The following SPMIP11 variants were observed in gnomAD, a reference collection of about 807,000 sequenced individuals.
SPMIP11 encodes the protein sperm microtubule inner protein 11.
chr12:48,741,114 C>T, the SPMIP11 span, among the ~76,000 whole-genome samples: 1 of 139,722 alleles, frequency 7.2e-6, no homozygotes, highest in African/African-American at 2.7e-5. Flanking sequence ...GCTCTTGTTG[C>T]CCAGGCATAC....
At chr12:48,762,525 G>A in the SPMIP11 span, among the ~76,000 whole-genome samples, 1 of 151,456 alleles carries the variant, frequency 6.6e-6, no homozygotes, top group Non-Finnish European at 1.5e-5. Context: ...CCGCCACCAT[G>A]CCTGGCTAAT....
At chr12:48,747,163 AT>A in the SPMIP11 span, among the ~76,000 whole-genome samples, 3 of 150,644 alleles carry the variant, frequency 2.0e-5, no homozygotes, top group African/African-American at 7.3e-5. Context: ...TTTATTTTTT[AT>A]TTTTTTTTGG....
chr12:48,728,632 C>T, the SPMIP11 span, among the ~76,000 whole-genome samples: 7 of 147,958 alleles, frequency 4.7e-5, no homozygotes, highest in Admixed American at 2.8e-4. Context: ...GGTGTGAACC[C>T]GGGAGGCGGA....
At chr12:48,758,692 C>T in the SPMIP11 span, among the ~76,000 whole-genome samples, 4 of 152,202 alleles carry the variant, frequency 2.6e-5, no homozygotes, top group Non-Finnish European at 4.4e-5. Flanking sequence ...CCTCTTCACC[C>T]AGCACTCGAG....
the SPMIP11 span, among the ~76,000 whole-genome samples, chr12:48,757,423 G>A: frequency 6.5e-3 from 995 of 152,016 alleles, 11 homozygotes; most frequent in African/African-American, 0.022. Flanking sequence ...GGAGGCAGGT[G>A]GATCATGAGG....
At chr12:48,762,012 T>TATATGAC in the SPMIP11 span, among the ~76,000 whole-genome samples, 1 of 149,772 alleles carries the variant, frequency 6.7e-6, no homozygotes, top group East Asian at 1.9e-4. Context: ...ATAATACTCT[T>TATATGAC]ATATGACATT....
At chr12:48,737,061 C>T in the SPMIP11 span, among the ~76,000 whole-genome samples, 6 of 151,692 alleles carry the variant, frequency 4.0e-5, no homozygotes, top group African/African-American at 9.7e-5. Flanking sequence ...GCGATCCTCC[C>T]ACCTCAGCCT....
At chr12:48,764,162 T>G in the SPMIP11 span, among the ~76,000 whole-genome samples, 298 of 151,204 alleles carry the variant, frequency 2.0e-3, 1 homozygote, top group Non-Finnish European at 3.2e-3. Context: ...TTTGTATTTT[T>G]TTTTTTAGTA....
chr12:48,736,142 G>A, the SPMIP11 span: 15 of 445,212 alleles, frequency 3.4e-5, no homozygotes, highest in African/African-American at 6.1e-5. Flanking sequence ...GGTAGCTCAC[G>A]CCTGTAATCC....
At chr12:48,764,702 G>A in the SPMIP11 span, 13 of 584,272 alleles carry the variant, frequency 2.2e-5, no homozygotes, top group Admixed American at 9.2e-5. Flanking sequence ...AGTGAAGCAG[G>A]GTGTGGTGAC....
At chr12:48,745,645 A>G in the SPMIP11 span, among the ~76,000 whole-genome samples, 1 of 152,342 alleles carries the variant, frequency 6.6e-6, no homozygotes, top group East Asian at 1.9e-4. Flanking sequence ...AAATCAAACT[A>G]CAGAAATATT....
chr12:48,768,302 T>G, the SPMIP11 span: 2 of 488,800 alleles, frequency 4.1e-6, no homozygotes, highest in Admixed American at 3.4e-5. Context: ...TCCCTCTGCT[T>G]CTGCTACTGA....
the SPMIP11 span, among the ~76,000 whole-genome samples, chr12:48,759,596 G>A: frequency 8.6e-5 from 13 of 151,862 alleles, no homozygotes; most frequent in South Asian, 2.1e-4. Context: ...CCTTGAAGCC[G>A]GGAGTTGGAG....
chr12:48,768,288 G>A, the SPMIP11 span: 1 of 464,268 alleles, frequency 2.2e-6, no homozygotes, highest in Non-Finnish European at 4.0e-6. Context: ...TCAGGCAAGA[G>A]GCCTCCCTCT....
chr12:48,745,922 T>C, the SPMIP11 span, among the ~76,000 whole-genome samples: 880 of 152,258 alleles, frequency 5.8e-3, 9 homozygotes, highest in African/African-American at 0.02. Flanking sequence ...GTATAAATCA[T>C]GTATGCAATA....
At chr12:48,757,252 A>C in the SPMIP11 span, among the ~76,000 whole-genome samples, 5 of 152,042 alleles carry the variant, frequency 3.3e-5, no homozygotes, top group Non-Finnish European at 7.4e-5. Flanking sequence ...CTTCTGAAAG[A>C]CTTAAAAAAA....
chr12:48,748,497 GAA>G, the SPMIP11 span, among the ~76,000 whole-genome samples: 54 of 129,192 alleles, frequency 4.2e-4, no homozygotes, highest in African/African-American at 1.2e-3. Context: ...TCACGGTCTA[GAA>G]AAAAAAAAAA....
chr12:48,727,787 C>T, the SPMIP11 span, among the ~76,000 whole-genome samples: 3 of 152,120 alleles, frequency 2.0e-5, no homozygotes, highest in Non-Finnish European at 4.4e-5. Context: ...TGCAGTAGCT[C>T]ACATGCAATT....
the SPMIP11 span, among the ~76,000 whole-genome samples, chr12:48,735,356 C>T: frequency 1.3e-5 from 2 of 152,186 alleles, no homozygotes; most frequent in Non-Finnish European, 2.9e-5. Context: ...ACCTGTAATC[C>T]CAACTCTTCG....
Sources: allele counts gnomAD v4.1 joint callset (sites outside exome capture counted in the v4.1 genomes callset), GRCh38; gene constraint gnomAD v4.1.1; transcripts MANE v1.5; gene names NCBI Gene and HGNC (gene_info 2026-07-23, HGNC 2026-07-21).